PLK4: variants seen among roughly 807,000 people sequenced by gnomAD.
PLK4 encodes polo like kinase 4, also known as serine/threonine-protein kinase PLK4.
PLK4 carries 51 observed loss-of-function variants against 103.0 expected under a neutral mutation model. The ratio of observed to expected loss-of-function variants is 0.50; its 90% CI spans 0.40 to 0.63. The LOEUF is 0.63. Ranked by LOEUF, PLK4 falls within the 20% of genes least tolerant of loss-of-function variation. PLK4 has a pLI of 0.00. For missense variants in PLK4, 1,054 were observed against 1,151.0 expected (o/e 0.92, Z 1.22); for synonymous variants, 389 against 376.8 (o/e 1.03, Z -0.38).
chr4:127,892,138 A>G (rs1317767311), intron 9 of PLK4: 1 of 343,230 alleles, frequency 2.9e-6, no homozygotes, highest in East Asian at 5.8e-5. Context: ...CTGCTACATA[A>G]ATGATTATTT....
chr4:127,894,506 G>A (rs1735489559), intron 13 of PLK4, among the ~76,000 whole-genome samples: 1 of 152,162 alleles, frequency 6.6e-6, no homozygotes, highest in Non-Finnish European at 1.5e-5. Flanking sequence ...GGGATTACAG[G>A]CGTGAGCCAC....
intron 10 of PLK4, among the ~76,000 whole-genome samples, chr4:127,892,909 A>G (rs1735417897): frequency 6.6e-6 from 1 of 152,078 alleles, no homozygotes; most frequent in Admixed American, 6.6e-5. Context: ...TGTAAAGATG[A>G]ATGTTCTTAT....
intron 4 of PLK4, among the ~76,000 whole-genome samples, chr4:127,884,601 C>T (rs1363316941): frequency 1.3e-5 from 2 of 152,090 alleles, no homozygotes; most frequent in African/African-American, 2.4e-5. Flanking sequence ...GTCAGGAGTT[C>T]GAGACCAGCC....
chr4:127,881,266 G>T (rs1287584949), intron 1 of PLK4, 102 bp downstream of exon 1: 1 of 1,585,658 alleles, frequency 6.3e-7, no homozygotes, highest in Non-Finnish European at 8.6e-7. Context: ...CGGCTGCGGG[G>T]CGGGCACCGA....
At position 127,886,589 on chromosome 4, in the gene PLK4, G is replaced by T. The variant is rs144633592; in HGVS notation, c.1219G>T (p.Val407Leu). 1.2e-6 allele frequency: 2 copies of T among 1,613,998 alleles called. No individual in the cohort carries two copies. Among genetic ancestry groups the T allele is most frequent in the Admixed American group, 1.7e-5 (1 of 59,994 alleles). ...ERCHSAEMLSVSKRSGGGENE... is the reference protein window; with the variant it reads ...ERCHSAEMLSLSKRSGGGENE... ...ATGTCACTCAGCAGAAATGCTTTCAGTGTCCAAAAGATCAGGAGGAGGTGA... is the reference window on the plus strand; with the variant it reads ...ATGTCACTCAGCAGAAATGCTTTCATTGTCCAAAAGATCAGGAGGAGGTGA... Residue 407 changes from valine to leucine, a missense_variant, in exon 5 of 16, where the codon GTG (valine) becomes TTG (leucine). Coordinates refer to ENST00000270861, the MANE Select transcript of PLK4 (RefSeq NM_014264.5).
At chr4:127,897,929 C>T (rs1490061057) in intron 15 of PLK4, among the ~76,000 whole-genome samples, 1 of 138,184 alleles carries the variant, frequency 7.2e-6, no homozygotes, top group Non-Finnish European at 1.5e-5. Flanking sequence ...ACTTCTGCCT[C>T]CTGGGTTCAA....
intron 14 of PLK4, among the ~76,000 whole-genome samples, chr4:127,895,931 CTT>C (rs1735550167): frequency 6.6e-6 from 1 of 152,090 alleles, no homozygotes; most frequent in Non-Finnish European, 1.5e-5. Flanking sequence ...GAGTTTCAAA[CTT>C]ATAGAATTTT....
intron 10 of PLK4, 146 bp downstream of exon 10, chr4:127,892,660 A>G (rs1009758280): frequency 9.0e-6 from 5 of 554,902 alleles, no homozygotes; most frequent in African/African-American, 8.0e-5. Flanking sequence ...CGGAGTATAC[A>G]TGTCAAATCA....
Position 127,890,127 on chromosome 4 carries a change from G to A in PLK4, c.1721G>A (p.Arg574Lys). The stretch of plus-strand genomic sequence containing the variant: ...CCTCTTTCTGAACAGAGCAAGACTA[G>A]GGGTATGGAGCCACCATGGGGTTAT... ...SDPLSEQSKT[R>K]GMEPPWGYQN... Residue 574 changes from arginine to lysine, a missense_variant, in exon 7 of 16, where the codon AGG becomes AAG. Physicochemically the swap from Arg to Lys is conservative, Grantham distance 26. Around this residue, in one of 4 missense-constraint regions of PLK4, gnomAD observed 680 missense variants for 660.3 expected, o/e 1.03. Coordinates refer to ENST00000270861, the MANE Select transcript of PLK4 (RefSeq NM_014264.5). 1.2e-6 allele frequency: 2 copies of A among 1,613,890 alleles called. No homozygotes were observed. The highest frequency in any genetic ancestry group is 1.7e-6 in the Non-Finnish European group (2 of 1,179,770).
rs1277100499 is a variant in PLK4, at chr4:127,886,115, A to G, written c.745A>G (p.Asn249Asp). Residue 249 changes from asparagine to aspartate, a missense_variant, in exon 5 of 16, where the codon AAT becomes GAT. Asn to Asp is a conservative substitution (Grantham distance 23). Coordinates refer to ENST00000270861, the MANE Select transcript of PLK4 (RefSeq NM_014264.5). ...CCTTATTCACCAGTTACTTCGTAGAAATCCAGCAGATCGTTTAAGTCTGTC... is the reference window on the plus strand; with the variant it reads ...CCTTATTCACCAGTTACTTCGTAGAGATCCAGCAGATCGTTTAAGTCTGTC... ...KDLIHQLLRRNPADRLSLSSV... is the reference protein window; with the variant it reads ...KDLIHQLLRRDPADRLSLSSV... The G allele has an allele frequency of 6.2e-7, 1 of 1,614,110 alleles. No individual in the cohort carries two copies. The highest frequency in any genetic ancestry group is 8.5e-7 in the Non-Finnish European group (1 of 1,180,042).
rs1735683196 is a variant in PLK4 at position 127,899,067 on chromosome 4, AG to A, written c.*527del. On this transcript the variant is annotated 3_prime_UTR_variant, in exon 16 of 16. Transcript: ENST00000270861. Reference sequence around the variant, plus strand: ...TTATAAAAAAATAAATATAGTGATAAGTTACATTATCTTTTGATTCATTTAA... The same window carrying A: ...TTATAAAAAAATAAATATAGTGATAATTACATTATCTTTTGATTCATTTAA... 6.6e-6 allele frequency: 1 copy of A among 152,378 alleles called. No individual in the cohort carries two copies. Among genetic ancestry groups the A allele is most frequent in the Admixed American group, 6.5e-5 (1 of 15,274 alleles). The allele number at this position is 152,378 out of a possible 1,614,324, so 9.4% of individuals were successfully genotyped here.
chr4:127,884,987 G>A (rs17012727), intron 4 of PLK4, among the ~76,000 whole-genome samples: 5 of 151,884 alleles, frequency 3.3e-5, no homozygotes, highest in East Asian at 1.9e-4. Flanking sequence ...GGGAGACATC[G>A]TTGGAACTTT....
chr4:127,887,414 A>T lies in PLK4; in HGVS notation c.1377A>T (p.Pro459=). 1 of 1,608,022 alleles carries T rather than the reference A, an allele frequency of 6.2e-7. No individual in the cohort carries two copies. Among genetic ancestry groups the T allele is most frequent in the South Asian group, 1.1e-5 (1 of 90,538 alleles). Residue 459 remains proline, a synonymous_variant, in exon 6 of 16, where the codon CCA becomes CCT. Transcript: ENST00000270861. ...NNQALSNHLC[P]GKTPFPFADP... ...TGTTTAGCTCCAATCATCTTTGTCC[A>T]GGAAAAACTCCTTTTCCATTTGCAG...
chr4:127,885,030 T>C (rs1735065570), intron 4 of PLK4, among the ~76,000 whole-genome samples: 1 of 152,030 alleles, frequency 6.6e-6, no homozygotes, highest in Admixed American at 6.6e-5. Flanking sequence ...TTAGAAAATA[T>C]GTATGAATCG....
intron 6 of PLK4, among the ~76,000 whole-genome samples, chr4:127,888,595 A>G (rs1175452857): frequency 6.6e-6 from 1 of 152,212 alleles, no homozygotes; most frequent in Non-Finnish European, 1.5e-5. Context: ...CCTCACACTA[A>G]AGTACAGAGC....
intron 12 of PLK4, 45 bp from the exon 13 acceptor site, chr4:127,893,689 A>G: frequency 6.3e-7 from 1 of 1,589,112 alleles, no homozygotes; most frequent in Non-Finnish European, 8.6e-7. Context: ...AGTTTTCTGT[A>G]AATTGAAAGC....
rs752936720 is a variant in PLK4, at chr4:127,890,148, G to C, written c.1742G>C (p.Gly581Ala). ...SKTRGMEPPWGYQNRTLRSIT... is the reference protein window; with the variant it reads ...SKTRGMEPPWAYQNRTLRSIT... ...ACTAGGGGTATGGAGCCACCATGGG[G>C]TTATCAGAATCGTACATTAAGAAGC... Residue 581 changes from glycine (G) to alanine (A), a missense_variant, in exon 7 of 16, where the codon GGT (glycine) becomes GCT (alanine). This residue lies in a region of PLK4 where 680 missense variants were observed against 660.3 expected (regional missense o/e 1.03). Coordinates refer to ENST00000270861, the MANE Select transcript of PLK4 (RefSeq NM_014264.5). 1 of 1,613,760 alleles carries C rather than the reference G, an allele frequency of 6.2e-7. No individual in the cohort carries two copies. The highest frequency in any genetic ancestry group is 2.2e-5 in the East Asian group (1 of 44,898).
At position 127,898,940 on chromosome 4, in the gene PLK4, A is replaced by G. The variant is rs868657377; in HGVS notation, c.*399A>G. On this transcript the variant is annotated 3_prime_UTR_variant, in exon 16 of 16. Coordinates refer to ENST00000270861, the MANE Select transcript of PLK4 (RefSeq NM_014264.5). Reference sequence around the variant, plus strand: ...TTTTGGAATTTTTGAAGATGTAAATAATGTGTATTTATGTTATAAGTAACA... The same window carrying G: ...TTTTGGAATTTTTGAAGATGTAAATGATGTGTATTTATGTTATAAGTAACA... The G allele has an allele frequency of 1.9e-5, 3 of 155,928 alleles. No individual in the cohort carries two copies. Among genetic ancestry groups the G allele is most frequent in the Admixed American group, 6.4e-5 (1 of 15,566 alleles). 9.7% of individuals were successfully genotyped at this position (155,928 alleles called of 1,614,324 possible).
At chr4:127,881,431 C>T (rs1466955067) in intron 1 of PLK4, 4 of 1,378,882 alleles carry the variant, frequency 2.9e-6, no homozygotes, top group South Asian at 3.1e-5. Context: ...AGCAATCCCG[C>T]CCGAGCTACC....
Sources: gnomAD v4.1 joint callset for allele counts (sites outside exome capture counted in the v4.1 genomes callset) on GRCh38, gnomAD v4.1.1 for gene constraint, gnomAD v4.1.1 regional missense constraint, MANE v1.5 for transcripts, NCBI Gene and HGNC (gene_info 2026-07-23, HGNC 2026-07-21) for gene names.